Variants in TMEM117 observed in about 807,000 individuals in gnomAD.
TMEM117 encodes the protein transmembrane protein 117.
Under a neutral mutation model 52.4 loss-of-function variants are expected in TMEM117, and 27 were observed. The observed-to-expected ratio is 0.51, with a 90% CI of 0.38 to 0.71. TMEM117 has a LOEUF of 0.71. Among genes scored for constraint, TMEM117 ranks in the 30% least tolerant of loss-of-function variants. The pLI is 0.00. For missense variants in TMEM117, 556 were observed against 630.5 expected (o/e 0.88, Z 1.26); for synonymous variants, 215 against 206.3 (o/e 1.04, Z -0.36).
chr12:44,168,261 A>T (rs1948997252), intron 4 of TMEM117, among the ~76,000 whole-genome samples: 1 of 151,678 alleles, frequency 6.6e-6, no homozygotes, highest in Non-Finnish European at 1.5e-5. Context: ...TCAAAAAAAA[A>T]AAAAGAGAAA....
At chr12:44,332,746 CACAG>C (rs1012884228) in intron 6 of TMEM117, among the ~76,000 whole-genome samples, 1 of 150,708 alleles carries the variant, frequency 6.6e-6, no homozygotes, top group African/African-American at 2.5e-5. Context: ...CACACACACA[CACAG>C]ACACACACAC....
intron 2 of TMEM117, among the ~76,000 whole-genome samples, chr12:43,879,189 A>G (rs1943853581): frequency 6.6e-6 from 1 of 152,212 alleles, no homozygotes; most frequent in African/African-American, 2.4e-5. Context: ...ATCAAACTAT[A>G]ATTTTGACAT....
the TMEM117 span, chr12:43,800,285 C>A: frequency 1.8e-6 from 1 of 553,890 alleles, no homozygotes; most frequent in Non-Finnish European, 3.1e-6. Flanking sequence ...TTCATTACAG[C>A]TAACTTTAAT....
chr12:44,012,467 C>T (rs1185912028), intron 3 of TMEM117, among the ~76,000 whole-genome samples: 4 of 150,516 alleles, frequency 2.7e-5, no homozygotes, highest in Admixed American at 1.3e-4. Flanking sequence ...GGTTAACCCA[C>T]GGTTCTTATA....
intron 2 of TMEM117, among the ~76,000 whole-genome samples, chr12:43,894,389 T>C (rs981110555): frequency 6.6e-6 from 1 of 152,188 alleles, no homozygotes; most frequent in Admixed American, 6.5e-5. Context: ...TTTTCTTTCT[T>C]TTTTTTAAAA....
chr12:43,951,484 A>T (rs957271161), intron 3 of TMEM117, among the ~76,000 whole-genome samples: 4 of 152,150 alleles, frequency 2.6e-5, no homozygotes, highest in African/African-American at 9.7e-5. Flanking sequence ...CTGTGGCTTC[A>T]GTAGGTGGTT....
At chr12:44,138,830 G>A (rs1948529302) in intron 3 of TMEM117, among the ~76,000 whole-genome samples, 1 of 152,120 alleles carries the variant, frequency 6.6e-6, no homozygotes, top group Admixed American at 6.6e-5. Context: ...CTAAAATGTG[G>A]TTATTTGGAT....
chr12:44,301,204 A>C (rs1163936697), intron 6 of TMEM117, among the ~76,000 whole-genome samples: 2 of 152,128 alleles, frequency 1.3e-5, no homozygotes, highest in African/African-American at 2.4e-5. Context: ...TGTTTGTGTA[A>C]GTTTTCAGTA....
chr12:43,857,389 T>G (rs551804312), intron 2 of TMEM117, among the ~76,000 whole-genome samples: 17 of 151,272 alleles, frequency 1.1e-4, no homozygotes, highest in Non-Finnish European at 2.2e-4. Context: ...CCAGGTCCAA[T>G]CATTGCCTCC....
At chr12:44,339,613 A>G (rs11182469) in intron 6 of TMEM117, among the ~76,000 whole-genome samples, 7,920 of 152,080 alleles carry the variant, frequency 0.052, 677 homozygotes, top group African/African-American at 0.18. Flanking sequence ...ATAATCAGTA[A>G]CTAATTAGAA....
intron 6 of TMEM117, among the ~76,000 whole-genome samples, chr12:44,316,271 A>G (rs550935236): frequency 6.6e-6 from 1 of 152,290 alleles, no homozygotes; most frequent in Non-Finnish European, 1.5e-5. Flanking sequence ...TAATGGAGAT[A>G]CATTCTCTTA....
chr12:44,190,078 C>T (rs1464536751), intron 4 of TMEM117, among the ~76,000 whole-genome samples: 1 of 152,168 alleles, frequency 6.6e-6, no homozygotes, highest in African/African-American at 2.4e-5. Context: ...AGTATGGATT[C>T]AGAGTATGGA....
intron 2 of TMEM117, among the ~76,000 whole-genome samples, chr12:43,915,845 T>G (rs193262296): frequency 1.3e-5 from 2 of 152,048 alleles, no homozygotes; most frequent in African/African-American, 4.8e-5. Flanking sequence ...AACACTTTTT[T>G]TATTTTTATT....
chr12:43,952,996 T>C (rs913823379), intron 3 of TMEM117, among the ~76,000 whole-genome samples: 1 of 152,074 alleles, frequency 6.6e-6, no homozygotes, highest in African/African-American at 2.4e-5. Flanking sequence ...TATTCAACAT[T>C]CTTAAAGAAA....
chr12:43,906,465 A>AAG (rs1226780732), intron 2 of TMEM117, among the ~76,000 whole-genome samples: 1 of 151,424 alleles, frequency 6.6e-6, no homozygotes, highest in African/African-American at 2.4e-5. Context: ...GCTGTCTCAA[A>AAG]AAAAAAAAAA....
chr12:44,316,220 C>T (rs2138685536), intron 6 of TMEM117, among the ~76,000 whole-genome samples: 1 of 152,178 alleles, frequency 6.6e-6, no homozygotes, highest in Admixed American at 6.5e-5. Flanking sequence ...ATTTTGTTTC[C>T]ATTTTTAAAA....
At chr12:43,961,375 A>C (rs1022569654) in intron 3 of TMEM117, among the ~76,000 whole-genome samples, 1,768 of 152,346 alleles carry the variant, frequency 0.012, 40 homozygotes, top group East Asian at 0.07. Context: ...TATTAATTTC[A>C]TACAAAATGC....
downstream of TMEM117, among the ~76,000 whole-genome samples, chr12:44,391,013 A>T (rs1323737842): frequency 1.3e-5 from 2 of 151,846 alleles, no homozygotes; most frequent in Non-Finnish European, 2.9e-5. Context: ...AATTGAGGTT[A>T]AAAAAAAGGA....
At chr12:44,351,128 A>G (rs1951556318) in intron 6 of TMEM117, among the ~76,000 whole-genome samples, 1 of 151,934 alleles carries the variant, frequency 6.6e-6, no homozygotes, top group Admixed American at 6.6e-5. Flanking sequence ...TGATGTTTTC[A>G]TATGCCTGTT....
Sources: allele counts gnomAD v4.1 joint callset (sites outside exome capture counted in the v4.1 genomes callset), GRCh38; gene constraint gnomAD v4.1.1; transcripts MANE v1.5; gene names NCBI Gene and HGNC (gene_info 2026-07-23, HGNC 2026-07-21).